Variants in ALDH3B1 observed in about 807,000 individuals in gnomAD.
The protein encoded by ALDH3B1 is aldehyde dehydrogenase 3 family member B1.
ALDH3B1 carries 37 observed loss-of-function variants against 46.2 expected under a neutral mutation model. The ratio of observed to expected loss-of-function variants is 0.80; its 90% confidence interval spans 0.62 to 1.05. ALDH3B1 has a LOEUF of 1.05. Among genes scored for constraint, ALDH3B1 ranks in the 50% least tolerant of loss-of-function variants. The probability of loss-of-function intolerance (pLI) is 0.00; values close to 1 mark genes in which losing one functional copy is unlikely to be tolerated. For synonymous variants in ALDH3B1, 283 were observed against 281.0 expected (o/e 1.01, Z -0.07); for missense variants, 603 against 665.5 (o/e 0.91, Z 1.03).
At chr11:68,013,166 C>T (rs1857269905) in intron 1 of ALDH3B1, among the ~76,000 whole-genome samples, 1 of 152,140 alleles carries the variant, frequency 6.6e-6, no homozygotes, top group Non-Finnish European at 1.5e-5. Context: ...CTTGGCTTCT[C>T]CGCTTGCCAG....
chr11:68,021,951 CTG>C, intron 7 of ALDH3B1, 80 bp downstream of exon 7: 1 of 1,516,702 alleles, frequency 6.6e-7, no homozygotes, highest in African/African-American at 1.4e-5. Flanking sequence ...GGCCACAACT[CTG>C]GACCCGCGCC....
chr11:68,013,138 T>G (rs1029590858), intron 1 of ALDH3B1, among the ~76,000 whole-genome samples: 1 of 152,032 alleles, frequency 6.6e-6, no homozygotes, highest in Admixed American at 6.5e-5. Flanking sequence ...ATCCCCCCAA[T>G]CTCAGGCAGA....
chr11:68,015,412 GAAAACAAGCAGCTT>G lies in ALDH3B1; in HGVS notation c.116_129del (p.Glu39AlafsTer20). 2.6e-6 allele frequency: 4 copies of G among 1,557,536 alleles called. No individual in the cohort carries two copies. Among genetic ancestry groups the G allele is most frequent in the Non-Finnish European group, 3.5e-6 (4 of 1,150,994 alleles). ...CCAAGGCCTGGGCCGCTTCCTGCAAGAAAACAAGCAGCTTCTGCACGACGCACTGGCCCAGGACC... is the reference window on the plus strand; with the variant it reads ...CCAAGGCCTGGGCCGCTTCCTGCAAGCTGCACGACGCACTGGCCCAGGACC... On this transcript the variant is annotated frameshift_variant, in exon 2 of 10. Coordinates refer to ENST00000342456, the MANE Select transcript of ALDH3B1 (RefSeq NM_000694.4). LOFTEE classifies it high-confidence loss of function.
At chr11:68,015,580 C>T (rs1182725548) in intron 2 of ALDH3B1, 121 bp downstream of exon 2, 6 of 1,342,658 alleles carry the variant, frequency 4.5e-6, no homozygotes, top group Non-Finnish European at 6.3e-6. Context: ...AGCAGCTCCT[C>T]CCCTAGGCCA....
At chr11:68,025,525 TTA>T (rs1184680531) in intron 8 of ALDH3B1, among the ~76,000 whole-genome samples, 1 of 152,148 alleles carries the variant, frequency 6.6e-6, no homozygotes, top group Non-Finnish European at 1.5e-5. Flanking sequence ...GACCACATCA[TTA>T]TGTTTTCATG....
chr11:68,027,000 AC>A (rs1857641081), intron 9 of ALDH3B1, among the ~76,000 whole-genome samples: 1 of 149,856 alleles, frequency 6.7e-6, no homozygotes. Flanking sequence ...GGCACATCTG[AC>A]CCTGCTGCTC....
chr11:68,023,280 TTCC>T (rs1857547923), intron 8 of ALDH3B1, among the ~76,000 whole-genome samples: 1 of 145,440 alleles, frequency 6.9e-6, no homozygotes, highest in Admixed American at 6.8e-5. Flanking sequence ...CCTCAGCCAG[TTCC>T]TCGATTCCCT....
rs1057368222 is a variant in ALDH3B1 at position 68,022,017 on chromosome 11, T to C, written c.949+146T>C. On this transcript the variant is annotated intron_variant, in intron 7 of 9. Coordinates refer to ENST00000342456, the MANE Select transcript of ALDH3B1 (RefSeq NM_000694.4). ...GCCTTGAGCCACAGCTCCAGTGCCA[T>C]GATTCCGTCTCTGTGCTTCTAAGTC... The C allele has an allele frequency of 2.6e-5, 36 of 1,387,284 alleles. 1 individual carries two copies. In the African/African-American group the frequency reaches 3.8e-4, roughly 15 times the overall value. The allele number at this position is 1,387,284 out of a possible 1,614,324, so 85.9% of individuals were successfully genotyped here.
chr11:68,019,889 T>C, intron 6 of ALDH3B1, 93 bp downstream of exon 6: 1 of 1,324,486 alleles, frequency 7.6e-7, no homozygotes, highest in South Asian at 1.3e-5. Context: ...ACAGGGAGAC[T>C]GAATTCTCCT....
At chr11:68,015,853 G>A (rs1857340567) in intron 2 of ALDH3B1, 3 of 355,962 alleles carry the variant, frequency 8.4e-6, no homozygotes, top group Non-Finnish European at 1.7e-5. Context: ...ATCGCTTGAG[G>A]CCAGGAGTTC....
Position 68,018,631 on chromosome 11 carries a change from G to A in ALDH3B1, c.267G>A (p.Lys89=), listed in dbSNP as rs1334484842. The change falls in exon 3 of 10, where the codon AAG becomes AAA. Residue 89 remains lysine, a synonymous_variant. Coordinates refer to ENST00000342456, the MANE Select transcript of ALDH3B1 (RefSeq NM_000694.4). ...RAWMKDERVP[K]NLATQLDSAF... is the part of the protein sequence containing the mutation. ...GGATGAAGGACGAGCGTGTGCCCAA[G>A]AACCTGGTGAGCCGGCCGGGCTGAG... 1 of 1,574,020 alleles carries A rather than the reference G, an allele frequency of 6.4e-7. No individual in the cohort carries two copies. Among genetic ancestry groups the A allele is most frequent in the Non-Finnish European group, 8.6e-7 (1 of 1,160,258 alleles).
At position 68,028,235 on chromosome 11, in the gene ALDH3B1, C is replaced by G. The variant is rs570719358; in HGVS notation, c.*296C>G. On this transcript the variant is annotated 3_prime_UTR_variant, in exon 10 of 10. Transcript: ENST00000342456. ...TCAGGAGAAGAGGACAGACACGGCA[C>G]CTCTGAGTCACCCCTCTCCTGTGGA... is the stretch of plus-strand genomic sequence containing the variant. 89 of 570,094 alleles carry G rather than the reference C, an allele frequency of 1.6e-4. 4 individuals carry two copies. The highest frequency in any genetic ancestry group is 1.3e-3 in the Admixed American group (59 of 45,246). 35.3% of individuals were successfully genotyped at this position (570,094 alleles called of 1,614,324 possible). A position where few individuals can be genotyped will look rare whatever the true frequency, so the allele number is the denominator to read the frequency against.
At position 68,021,549 on chromosome 11, in the gene ALDH3B1, G is replaced by A; in HGVS notation, c.627G>A (p.Leu209=). 1 of 1,614,096 alleles carries A rather than the reference G, an allele frequency of 6.2e-7. No individual in the cohort carries two copies. Among genetic ancestry groups the A allele is most frequent in the Non-Finnish European group, 8.5e-7 (1 of 1,180,000 alleles). The part of the protein sequence containing the change: ...AAAKHLTPVT[L]ELGGKNPCYV... ...CCAAGCACCTGACACCTGTCACCCT[G>A]GAGCTGGGGGGCAAGAACCCTTGCT... Residue 209 remains leucine, a synonymous_variant, in exon 7 of 10, where the codon CTG becomes CTA. Coordinates refer to ENST00000342456, the MANE Select transcript of ALDH3B1 (RefSeq NM_000694.4).
At chr11:68,024,786 A>G (rs1046558102) in intron 8 of ALDH3B1, 1 of 152,202 alleles carries the variant, frequency 6.6e-6, no homozygotes, top group African/African-American at 2.4e-5. Context: ...TCTGTAAGAA[A>G]GATTCATCTC....
chr11:68,022,000 C>A, intron 7 of ALDH3B1, 129 bp downstream of exon 7: 1 of 1,442,268 alleles, frequency 6.9e-7, no homozygotes, highest in South Asian at 1.4e-5. Flanking sequence ...CGGCCTTGAG[C>A]CACAGCTCCA....
Position 68,028,057 on chromosome 11 carries a change from C to A in ALDH3B1, c.*118C>A. The A allele has an allele frequency of 2.2e-6, 3 of 1,370,786 alleles. No homozygotes were observed. Among genetic ancestry groups the A allele is most frequent in the Non-Finnish European group, 3.1e-6 (3 of 973,122 alleles). The allele number at this position is 1,370,786 out of a possible 1,614,324, so 84.9% of individuals were successfully genotyped here. A position where few individuals can be genotyped will look rare whatever the true frequency, so the allele number is the denominator to read the frequency against. On this transcript the variant is annotated 3_prime_UTR_variant, in exon 10 of 10. Transcript: ENST00000342456. ...AAGGATTGCCAAGGCTCCAGGGCAC[C>A]CCTCAAAGCAGCGCCTGCCTCCTCC...
Position 68,026,021 on chromosome 11 carries a change from G to A in ALDH3B1, c.1129G>A (p.Val377Met), listed in dbSNP as rs573988503. The A allele has an allele frequency of 1.9e-6, 3 of 1,604,800 alleles. No individual in the cohort carries two copies. In the Admixed American group the frequency reaches 5.1e-5, roughly 27 times the overall value. The part of the protein sequence containing the change: ...FSNSSQVVKR[V>M]LTQTSSGGFC... ...TGTTCTCTCCCAGGTGGTCAAGCGG[G>A]TGCTGACCCAGACCAGCAGCGGGGG... The change falls in exon 9 of 10, where the codon GTG (valine) becomes ATG (methionine). Residue 377 changes from valine to methionine, a missense_variant. Val to Met is a conservative substitution (Grantham distance 21). Transcript: ENST00000342456.
intron 8 of ALDH3B1, 59 bp from the exon 9 acceptor site, chr11:68,025,950 G>A (rs1857611491): frequency 7.8e-7 from 1 of 1,283,206 alleles, no homozygotes; most frequent in African/African-American, 1.5e-5. Context: ...ACAGGCTCTG[G>A]GTCCTGAGGA....
At chr11:68,026,994 C>T (rs557734339) in intron 9 of ALDH3B1, among the ~76,000 whole-genome samples, 3 of 152,176 alleles carry the variant, frequency 2.0e-5, no homozygotes, top group Non-Finnish European at 2.9e-5. Context: ...TCTGTGGGCA[C>T]ATCTGACCCT....
Sources: gnomAD v4.1 joint callset for allele counts (sites outside exome capture counted in the v4.1 genomes callset) on GRCh38, gnomAD v4.1.1 for gene constraint, MANE v1.5 for transcripts, NCBI Gene and HGNC (gene_info 2026-07-23, HGNC 2026-07-21) for gene names.